The following NRXN1 variants were observed in gnomAD, a reference collection of about 807,000 sequenced individuals.
NRXN1 encodes neurexin 1, also known as neurexin-1.
A neutral mutation model predicts 150.9 loss-of-function variants in NRXN1; 39 were observed. That is an observed-to-expected ratio of 0.26 (90% CI 0.20 to 0.34). NRXN1 has a LOEUF of 0.34. Ranked by LOEUF, NRXN1 falls within the 10% of genes least tolerant of loss-of-function variation. The probability of loss-of-function intolerance (pLI) is 1.00; values close to 1 mark genes in which losing one functional copy is unlikely to be tolerated. For missense variants in NRXN1, 1,815 were observed against 1,949.9 expected, an observed-to-expected ratio of 0.93 and a Z score of 1.30; for synonymous variants, 924 against 757.0, an observed-to-expected ratio of 1.22 and a Z score of -3.62.
intron 17 of NRXN1, among the ~76,000 whole-genome samples, chr2:50,282,912 C>A (rs2071649090): frequency 6.6e-6 from 1 of 152,070 alleles, no homozygotes; most frequent in Non-Finnish European, 1.5e-5. Flanking sequence ...AAAGAGTAAT[C>A]AAATTAAAAT....
At chr2:50,560,149 T>C (rs938469022) in intron 8 of NRXN1, among the ~76,000 whole-genome samples, 1 of 152,232 alleles carries the variant, frequency 6.6e-6, no homozygotes, top group Non-Finnish European at 1.5e-5. Flanking sequence ...TCTTATGCTA[T>C]TCACTTTCTT....
chr2:49,940,344 A>AT (rs1162080291), intron 22 of NRXN1, among the ~76,000 whole-genome samples: 4 of 152,332 alleles, frequency 2.6e-5, no homozygotes, highest in African/African-American at 9.6e-5. Flanking sequence ...AATATGTGAA[A>AT]TAATTTTTAT....
At chr2:49,976,236 T>A (rs1428227675) in intron 21 of NRXN1, among the ~76,000 whole-genome samples, 2 of 151,698 alleles carry the variant, frequency 1.3e-5, no homozygotes, top group Admixed American at 6.6e-5. Context: ...TTACACCATG[T>A]TGGCCTGGTG....
chr2:50,190,967 T>C (rs982223678), intron 18 of NRXN1, among the ~76,000 whole-genome samples: 2 of 152,166 alleles, frequency 1.3e-5, no homozygotes, highest in Admixed American at 6.5e-5. Flanking sequence ...ACAAACCTTT[T>C]ATTTTGAAAT....
At chr2:50,970,960 A>G (rs1444514105) in intron 2 of NRXN1, among the ~76,000 whole-genome samples, 2 of 152,164 alleles carry the variant, frequency 1.3e-5, no homozygotes, top group African/African-American at 4.8e-5. Flanking sequence ...AAGCAAAAAT[A>G]TTTGAAAATC....
chr2:51,002,711 A>G (rs1700226203), intron 2 of NRXN1, among the ~76,000 whole-genome samples: 1 of 151,942 alleles, frequency 6.6e-6, no homozygotes, highest in South Asian at 2.1e-4. Flanking sequence ...AGATGACAAA[A>G]TACAATTTTT....
chr2:50,123,838 T>A (rs1401763143), intron 18 of NRXN1, among the ~76,000 whole-genome samples: 1 of 152,176 alleles, frequency 6.6e-6, no homozygotes. Context: ...TCCCTTCAGA[T>A]GGATATTGTG....
At chr2:50,771,754 G>C (rs1440321307) in intron 5 of NRXN1, among the ~76,000 whole-genome samples, 1 of 152,098 alleles carries the variant, frequency 6.6e-6, no homozygotes, top group African/African-American at 2.4e-5. Flanking sequence ...AGTGCTACTG[G>C]TGAAATAGAT....
intron 8 of NRXN1, among the ~76,000 whole-genome samples, chr2:50,610,330 A>G (rs1677831692): frequency 6.6e-6 from 1 of 151,774 alleles, no homozygotes; most frequent in African/African-American, 2.4e-5. Flanking sequence ...TTCTTTTCCA[A>G]TTGTGATAGT....
At chr2:50,087,036 A>C (rs552167926) in intron 19 of NRXN1, among the ~76,000 whole-genome samples, 5 of 152,150 alleles carry the variant, frequency 3.3e-5, no homozygotes, top group Admixed American at 6.5e-5. Context: ...AATCCTTCCT[A>C]AATGAATGCA....
chr2:50,912,923 C>G (rs542705534), intron 5 of NRXN1: 3 of 151,898 alleles, frequency 2.0e-5, no homozygotes, highest in African/African-American at 7.2e-5. Context: ...CAATCAGCTT[C>G]TCTCTTCTTC....
At chr2:50,049,748 A>G (rs1201058423) in intron 21 of NRXN1, among the ~76,000 whole-genome samples, 2 of 152,138 alleles carry the variant, frequency 1.3e-5, no homozygotes, top group South Asian at 4.1e-4. Context: ...TACTCATCTC[A>G]TAAGACATTG....
intron 17 of NRXN1, among the ~76,000 whole-genome samples, chr2:50,392,507 A>G (rs2081787203): frequency 6.6e-6 from 1 of 152,174 alleles, no homozygotes; most frequent in South Asian, 2.1e-4. Context: ...TAAGGTGAAA[A>G]AGAGATGTCT....
intron 17 of NRXN1, among the ~76,000 whole-genome samples, chr2:50,431,024 C>T (rs2084922891): frequency 1.3e-5 from 2 of 152,176 alleles, no homozygotes; most frequent in Non-Finnish European, 2.9e-5. Flanking sequence ...CCTCTCTCTA[C>T]TCTTCCATAT....
At chr2:50,088,926 G>C (rs994116509) in intron 19 of NRXN1, among the ~76,000 whole-genome samples, 1 of 152,046 alleles carries the variant, frequency 6.6e-6, no homozygotes, top group African/African-American at 2.4e-5. Flanking sequence ...GGGGCATATA[G>C]ACATTTTTGA....
At chr2:50,096,980 G>A (rs535680213) in intron 18 of NRXN1, among the ~76,000 whole-genome samples, 1 of 152,168 alleles carries the variant, frequency 6.6e-6, no homozygotes, top group African/African-American at 2.4e-5. Flanking sequence ...GCATGTTACA[G>A]ATGCATATAT....
Position 50,260,812 on chromosome 2 carries a change from G to A in NRXN1, c.3365-23842C>T, listed in dbSNP as rs533373706. On this transcript the variant is annotated intron_variant, in intron 17 of 22. Coordinates refer to ENST00000401669, the MANE Select transcript of NRXN1 (RefSeq NM_001330078.2). ...CCATATATTTGAAGCACAGATTTCA[G>A]CAAGACAAAACTGTGACTTGAAAAA... is the stretch of plus-strand genomic sequence containing the variant. Among the ~76,000 whole-genome samples the A allele has an allele frequency of 1.7e-4, 26 of 151,660 alleles. No homozygotes were observed. The East Asian group carries it at 4.9e-3, about 28-fold the overall frequency.
At chr2:50,277,572 T>A (rs1365560875) in intron 17 of NRXN1, among the ~76,000 whole-genome samples, 1 of 145,352 alleles carries the variant, frequency 6.9e-6, no homozygotes. Flanking sequence ...CTTTCTTTCT[T>A]AGCCAGGAGA....
intron 5 of NRXN1, among the ~76,000 whole-genome samples, chr2:50,839,875 GT>G (rs1429548080): frequency 1.3e-5 from 2 of 152,048 alleles, no homozygotes; most frequent in Non-Finnish European, 2.9e-5. Flanking sequence ...GAATATGGTT[GT>G]TGCTATTTTA....
Sources: gnomAD v4.1 joint callset for allele counts (sites outside exome capture counted in the v4.1 genomes callset) on GRCh38, gnomAD v4.1.1 for gene constraint, MANE v1.5 for transcripts, NCBI Gene and HGNC (gene_info 2026-07-23, HGNC 2026-07-21) for gene names.